C12orf42: variants seen among roughly 807,000 people sequenced by gnomAD.
C12orf42 encodes the protein chromosome 12 open reading frame 42.
Under a neutral mutation model 21.6 loss-of-function variants are expected in C12orf42, and 25 were observed. The ratio of observed to expected loss-of-function variants is 1.16; its 90% CI spans 0.84 to 1.62. C12orf42 has a LOEUF of 1.62. Ranked by LOEUF, C12orf42 falls within the 40% of genes most tolerant of loss-of-function variation. C12orf42 has a pLI of 0.00. For synonymous variants in C12orf42, 174 were observed against 175.0 expected (o/e 0.99, Z 0.05); for missense variants, 483 against 459.3 (o/e 1.05, Z -0.47).
chr12:103,159,191 C>T, the C12orf42 span, among the ~76,000 whole-genome samples: 165 of 152,246 alleles, frequency 1.1e-3, 1 homozygote, highest in Admixed American at 2.0e-3. Flanking sequence ...ATAAAGGCTA[C>T]AATTAGACTG....
the C12orf42 span, among the ~76,000 whole-genome samples, chr12:103,168,713 A>G: frequency 6.4e-4 from 97 of 152,352 alleles, no homozygotes; most frequent in Non-Finnish European, 1.0e-3. Flanking sequence ...ATGCACATGT[A>G]TGTTTATTGC....
chr12:103,122,569 G>A, the C12orf42 span, among the ~76,000 whole-genome samples: 1 of 152,218 alleles, frequency 6.6e-6, no homozygotes, highest in South Asian at 2.1e-4. Context: ...AGACCCCACC[G>A]ATAAAATAAT....
chr12:103,495,460 GGGC>G lies in C12orf42; in HGVS notation c.-22+439_-22+441del, dbSNP rs564584360. Among the ~76,000 whole-genome samples the G allele has an allele frequency of 9.4e-3, 1,430 of 151,666 alleles. 10 individuals are homozygous for G. The highest frequency in any genetic ancestry group is 0.016 in the Non-Finnish European group (1,052 of 67,826). ...CCTCCCCCTTCCTGTATTAGCATGCGGGCGGCGGCGAGCCGGCCGGGTGGGGAG... is the reference window on the plus strand; with the variant it reads ...CCTCCCCCTTCCTGTATTAGCATGCGGGCGGCGAGCCGGCCGGGTGGGGAG... On this transcript the variant is annotated intron_variant, in intron 1 of 5. Transcript: ENST00000548883.
the C12orf42 span, among the ~76,000 whole-genome samples, chr12:103,106,458 G>A: frequency 1.3e-5 from 2 of 151,982 alleles, no homozygotes; most frequent in African/African-American, 4.8e-5. Context: ...TTTAAACAGA[G>A]TAATTTGGGT....
At chr12:103,126,186 G>GC in the C12orf42 span, among the ~76,000 whole-genome samples, 4,620 of 152,202 alleles carry the variant, frequency 0.03, 157 homozygotes, top group African/African-American at 0.088. Flanking sequence ...GCCTGTATCT[G>GC]CCCCAGGAAA....
the C12orf42 span, among the ~76,000 whole-genome samples, chr12:103,135,236 C>T: frequency 6.6e-6 from 1 of 152,072 alleles, no homozygotes; most frequent in Admixed American, 6.6e-5. Flanking sequence ...AGGTGGATCA[C>T]TGGAGCTCAG....
chr12:103,302,619 G>A, intron 5 of C12orf42, 60 bp from the exon 6 acceptor site: 1 of 1,401,884 alleles, frequency 7.1e-7, no homozygotes, highest in Admixed American at 2.2e-5. Flanking sequence ...GGACCACACC[G>A]CACCCCCGCG....
the C12orf42 span, among the ~76,000 whole-genome samples, chr12:103,066,253 A>G: frequency 3.3e-5 from 5 of 152,210 alleles, no homozygotes; most frequent in African/African-American, 7.2e-5. Context: ...CCATCTAGCC[A>G]TAAAGTGGGT....
chr12:103,474,112 G>C (rs1355796901), intron 2 of C12orf42, among the ~76,000 whole-genome samples: 3 of 152,044 alleles, frequency 2.0e-5, no homozygotes, highest in Non-Finnish European at 2.9e-5. Context: ...AAGCTCAATG[G>C]GACCTGAAGT....
At chr12:103,227,350 T>C in the C12orf42 span, among the ~76,000 whole-genome samples, 2 of 150,308 alleles carry the variant, frequency 1.3e-5, no homozygotes, top group Non-Finnish European at 3.0e-5. Flanking sequence ...GGTGCAGAGA[T>C]AAGAGGTCGG....
chr12:103,391,674 T>C (rs1002440336), intron 3 of C12orf42, among the ~76,000 whole-genome samples: 5 of 151,090 alleles, frequency 3.3e-5, no homozygotes, highest in African/African-American at 9.7e-5. Flanking sequence ...ATATATATCA[T>C]ATATACTAAT....
At chr12:103,299,208 T>C (rs1002724577), downstream of C12orf42, among the ~76,000 whole-genome samples, 4 of 152,074 alleles carry the variant, frequency 2.6e-5, no homozygotes, top group East Asian at 3.8e-4. Flanking sequence ...TGTATCATTA[T>C]TATCATTAAA....
At chr12:103,299,211 T>C (rs543875896), downstream of C12orf42, among the ~76,000 whole-genome samples, 1 of 152,226 alleles carries the variant, frequency 6.6e-6, no homozygotes, top group Non-Finnish European at 1.5e-5. Flanking sequence ...ATCATTATTA[T>C]CATTAAAGAT....
At chr12:103,214,018 A>G in the C12orf42 span, among the ~76,000 whole-genome samples, 1 of 152,256 alleles carries the variant, frequency 6.6e-6, no homozygotes, top group Non-Finnish European at 1.5e-5. Context: ...ATTAACAATG[A>G]CAATGATCAC....
At chr12:103,094,998 C>T in the C12orf42 span, among the ~76,000 whole-genome samples, 1 of 152,204 alleles carries the variant, frequency 6.6e-6, no homozygotes, top group African/African-American at 2.4e-5. Context: ...AATTTTACCA[C>T]AGGTCCAAAA....
chr12:103,423,984 G>A (rs562286489), intron 2 of C12orf42, among the ~76,000 whole-genome samples: 1 of 152,300 alleles, frequency 6.6e-6, no homozygotes, highest in East Asian at 1.9e-4. Flanking sequence ...GTAAATGCAT[G>A]ATGCTATTTA....
intron 1 of C12orf42, among the ~76,000 whole-genome samples, chr12:103,495,594 C>T (rs1463476143): frequency 1.4e-5 from 2 of 147,808 alleles, no homozygotes; most frequent in Non-Finnish European, 3.0e-5. Flanking sequence ...GGGCCGTCGC[C>T]GGGGCAACGG....
chr12:103,453,971 T>G (rs761406615), intron 2 of C12orf42, among the ~76,000 whole-genome samples: 1 of 152,056 alleles, frequency 6.6e-6, no homozygotes, highest in Non-Finnish European at 1.5e-5. Flanking sequence ...TTTAAACACC[T>G]GGATAATTGT....
At chr12:103,433,873 A>T (rs937617138) in intron 2 of C12orf42, among the ~76,000 whole-genome samples, 2 of 152,226 alleles carry the variant, frequency 1.3e-5, no homozygotes, top group African/African-American at 2.4e-5. Context: ...TGGCCAATAT[A>T]TGGAAACAGA....
Sources: gnomAD v4.1 joint callset for allele counts (sites outside exome capture counted in the v4.1 genomes callset) on GRCh38, gnomAD v4.1.1 for gene constraint, MANE v1.5 for transcripts, NCBI Gene and HGNC (gene_info 2026-07-23, HGNC 2026-07-21) for gene names.